The following AGMO variants were observed in gnomAD, a reference collection of about 807,000 sequenced individuals.
AGMO encodes alkylglycerol monooxygenase, also known as glyceryl-ether monooxygenase.
Under a neutral mutation model 60.2 loss-of-function variants are expected in AGMO, and 75 were observed. The ratio of observed to expected loss-of-function variants is 1.25; its 90% CI spans 1.03 to 1.51. The LOEUF (loss-of-function observed/expected upper bound fraction) is 1.51. AGMO is among the 40% of genes most tolerant of loss of function. AGMO has a pLI of 0.00. For missense variants in AGMO, 763 were observed against 525.5 expected (o/e 1.45, Z -4.42); for synonymous variants, 261 against 177.1 (o/e 1.47, Z -3.76).
the AGMO span, among the ~76,000 whole-genome samples, chr7:15,142,797 C>A: frequency 6.6e-6 from 1 of 152,138 alleles, no homozygotes; most frequent in Non-Finnish European, 1.5e-5. Context: ...AAGAGATCAC[C>A]TTGCCACAAT....
At chr7:15,229,842 T>C (rs1253598129) in intron 12 of AGMO, among the ~76,000 whole-genome samples, 1 of 150,380 alleles carries the variant, frequency 6.6e-6, no homozygotes, top group Non-Finnish European at 1.5e-5. Flanking sequence ...TAATAAGATA[T>C]TTGATACTGT....
intron 3 of AGMO, among the ~76,000 whole-genome samples, chr7:15,467,321 C>G (rs774572841): frequency 6.6e-5 from 10 of 152,144 alleles, no homozygotes; most frequent in Non-Finnish European, 1.2e-4. Flanking sequence ...CAAGGGGTTT[C>G]TAGTGTTGGA....
chr7:15,431,180 C>T, intron 3 of AGMO, 72 bp from the exon 4 acceptor site: 1 of 1,062,354 alleles, frequency 9.4e-7, no homozygotes, highest in South Asian at 1.3e-5. Context: ...GTTATGCATG[C>T]TGCTCTGTTG....
chr7:15,322,685 TAA>T lies in AGMO; in HGVS notation c.1263+42827_1263+42828del, dbSNP rs1322959573. Among the ~76,000 whole-genome samples the T allele has an allele frequency of 4.7e-5, 4 of 84,972 alleles. 1 individual carries two copies. The highest frequency in any genetic ancestry group is 2.7e-4 in the East Asian group (1 of 3,642). 55.7% of individuals were successfully genotyped at this position (84,972 alleles called of 152,430 possible). On this transcript the variant is annotated intron_variant, in intron 12 of 12. Coordinates refer to ENST00000342526, the MANE Select transcript of AGMO (RefSeq NM_001004320.2). Reference sequence around the variant, plus strand: ...AAATATATATAAATATATGTATATATAAATATATGAATATGTATAAATATATA... The same window carrying T: ...AAATATATATAAATATATGTATATATATATATGAATATGTATAAATATATA...
At chr7:15,246,850 T>G (rs555362953) in intron 12 of AGMO, among the ~76,000 whole-genome samples, 1 of 152,124 alleles carries the variant, frequency 6.6e-6, no homozygotes, top group African/African-American at 2.4e-5. Flanking sequence ...TATAGTTAAA[T>G]TCTCCTATTT....
At chr7:15,456,505 G>T (rs945059806) in intron 3 of AGMO, among the ~76,000 whole-genome samples, 2 of 152,070 alleles carry the variant, frequency 1.3e-5, no homozygotes, top group East Asian at 1.9e-4. Context: ...CTATGTTCAG[G>T]TTACTTCTCT....
chr7:15,327,935 T>C (rs911758045), intron 12 of AGMO, among the ~76,000 whole-genome samples: 2 of 147,578 alleles, frequency 1.4e-5, no homozygotes, highest in African/African-American at 5.0e-5. Context: ...CGGGCTAATT[T>C]AAAAAAAAAA....
chr7:15,262,132 G>A (rs1299534195), intron 12 of AGMO, among the ~76,000 whole-genome samples: 2 of 152,024 alleles, frequency 1.3e-5, no homozygotes, highest in African/African-American at 2.4e-5. Flanking sequence ...GCCCTTGCCA[G>A]AGCAATCAGA....
At chr7:15,380,857 G>C (rs151099046) in intron 10 of AGMO, among the ~76,000 whole-genome samples, 16 of 152,208 alleles carry the variant, frequency 1.1e-4, no homozygotes, top group Admixed American at 2.0e-4. Context: ...GAACAGAACA[G>C]AGAACTCAGA....
chr7:15,159,217 A>G, the AGMO span, among the ~76,000 whole-genome samples: 4 of 152,180 alleles, frequency 2.6e-5, no homozygotes, highest in African/African-American at 4.8e-5. Flanking sequence ...CTGTTAAAAT[A>G]TATTTTTAGT....
At chr7:15,388,410 G>A (rs550898915) in intron 8 of AGMO, among the ~76,000 whole-genome samples, 1 of 152,202 alleles carries the variant, frequency 6.6e-6, no homozygotes, top group East Asian at 1.9e-4. Flanking sequence ...TGGAAGCTTC[G>A]CCTGGGGCTT....
chr7:15,276,936 G>T (rs1783813788), intron 12 of AGMO, among the ~76,000 whole-genome samples: 2 of 148,072 alleles, frequency 1.4e-5, no homozygotes, highest in African/African-American at 2.5e-5. Flanking sequence ...TCATTTCCTG[G>T]ATTGCCTTTC....
the AGMO span, among the ~76,000 whole-genome samples, chr7:15,132,322 T>C: frequency 6.6e-6 from 1 of 152,302 alleles, no homozygotes; most frequent in Admixed American, 6.5e-5. Flanking sequence ...TCAGTTTTTA[T>C]GAAGCTGATG....
At chr7:15,337,550 G>A (rs572246219) in intron 12 of AGMO, among the ~76,000 whole-genome samples, 2 of 152,164 alleles carry the variant, frequency 1.3e-5, no homozygotes, top group East Asian at 3.9e-4. Flanking sequence ...AGGGCAGGTG[G>A]GAAAACTGAT....
At chr7:15,535,755 T>A (rs1562560146) in intron 3 of AGMO, among the ~76,000 whole-genome samples, 1 of 151,910 alleles carries the variant, frequency 6.6e-6, no homozygotes, top group Non-Finnish European at 1.5e-5. Context: ...AAATTGGATA[T>A]CCATCACTAC....
At chr7:15,343,028 T>C (rs370858675) in intron 12 of AGMO, among the ~76,000 whole-genome samples, 3 of 152,202 alleles carry the variant, frequency 2.0e-5, no homozygotes, top group East Asian at 1.9e-4. Flanking sequence ...TGACAGTATC[T>C]GAAAAGGTAC....
At chr7:15,148,791 A>T in the AGMO span, among the ~76,000 whole-genome samples, 575 of 152,258 alleles carry the variant, frequency 3.8e-3, 5 homozygotes, top group African/African-American at 0.013. Flanking sequence ...ATAGAAGTGC[A>T]TGTGTCTTTT....
chr7:15,186,754 T>C, the AGMO span, among the ~76,000 whole-genome samples: 1 of 152,148 alleles, frequency 6.6e-6, no homozygotes, highest in Non-Finnish European at 1.5e-5. Context: ...CCTAACCAGA[T>C]CCCAGTTTTC....
chr7:15,368,836 ACT>A (rs1417260678), intron 10 of AGMO, among the ~76,000 whole-genome samples: 6 of 149,908 alleles, frequency 4.0e-5, no homozygotes, highest in Non-Finnish European at 7.5e-5. Flanking sequence ...AATACAAATA[ACT>A]CTTTACCAAA....
Sources: gnomAD v4.1 joint callset for allele counts (sites outside exome capture counted in the v4.1 genomes callset) on GRCh38, gnomAD v4.1.1 for gene constraint, MANE v1.5 for transcripts, NCBI Gene and HGNC (gene_info 2026-07-23, HGNC 2026-07-21) for gene names.